CYRIB: variants seen among roughly 807,000 people sequenced by gnomAD.
CYRIB encodes CYFIP related Rac1 interactor B.
CYRIB carries 8 observed loss-of-function variants against 44.2 expected under a neutral mutation model. The observed-to-expected ratio is 0.18, with a 90% confidence interval of 0.11 to 0.33. The LOEUF (loss-of-function observed/expected upper bound fraction) is 0.33. Among genes scored for constraint, CYRIB ranks in the 10% least tolerant of loss-of-function variants. The probability of loss-of-function intolerance (pLI) is 1.00; values close to 1 mark genes in which losing one functional copy is unlikely to be tolerated. For synonymous variants in CYRIB, 131 were observed against 127.2 expected, an observed-to-expected ratio of 1.03 and a Z score of -0.20; for missense variants, 185 against 382.8, an observed-to-expected ratio of 0.48 and a Z score of 4.31.
chr8:129,853,749 C>T (rs982942554), intron 7 of CYRIB, among the ~76,000 whole-genome samples: 2 of 152,180 alleles, frequency 1.3e-5, no homozygotes, highest in Admixed American at 1.3e-4. Context: ...AGCCAAGGAG[C>T]AGGCACAAAG....
intron 1 of CYRIB, among the ~76,000 whole-genome samples, chr8:129,934,114 C>CTA (rs1425775402): frequency 1.3e-5 from 2 of 152,132 alleles, no homozygotes; most frequent in Non-Finnish European, 2.9e-5. Flanking sequence ...CAGCCTCCAC[C>CTA]TACAGGTGCC....
chr8:130,005,030 G>A (rs1224464686), intron 1 of CYRIB, among the ~76,000 whole-genome samples: 1 of 152,042 alleles, frequency 6.6e-6, no homozygotes, highest in Non-Finnish European at 1.5e-5. Flanking sequence ...GCCTCCCAAA[G>A]TGCTGGGATT....
intron 2 of CYRIB, among the ~76,000 whole-genome samples, chr8:129,954,347 C>T (rs1006488319): frequency 6.6e-6 from 1 of 152,088 alleles, no homozygotes; most frequent in South Asian, 2.1e-4. Flanking sequence ...CTCAGCCTCC[C>T]GAATAGCTGG....
intron 1 of CYRIB, among the ~76,000 whole-genome samples, chr8:129,930,365 T>TTATATATATATATATA (rs1554659983): frequency 0.015 from 745 of 50,408 alleles, 115 homozygotes; most frequent in Middle Eastern, 0.032. Flanking sequence ...TGTGAAGTGC[T>TTATATATATATATATA]TATATATATA....
intron 1 of CYRIB, among the ~76,000 whole-genome samples, chr8:130,014,296 G>A (rs568352542): frequency 9.2e-5 from 14 of 152,308 alleles, no homozygotes; most frequent in African/African-American, 3.4e-4. Context: ...TGGGCATGGT[G>A]GTGCACACCC....
intron 2 of CYRIB, among the ~76,000 whole-genome samples, chr8:129,893,987 C>G (rs182198454): frequency 2.0e-4 from 31 of 152,258 alleles, no homozygotes; most frequent in African/African-American, 7.5e-4. Context: ...GATTTTCTCA[C>G]TCAATAGTTT....
At chr8:129,875,240 G>A (rs1425639674) in intron 3 of CYRIB, among the ~76,000 whole-genome samples, 1 of 150,640 alleles carries the variant, frequency 6.6e-6, no homozygotes, top group Non-Finnish European at 1.5e-5. Flanking sequence ...CCAACAACTA[G>A]AAGAGGCTAT....
intron 1 of CYRIB, among the ~76,000 whole-genome samples, chr8:129,988,911 T>C (rs1591871142): frequency 6.6e-6 from 1 of 152,188 alleles, no homozygotes; most frequent in East Asian, 1.9e-4. Flanking sequence ...CATTGCAACG[T>C]TGGGAGAGTT....
chr8:129,882,506 T>C (rs776962728), intron 2 of CYRIB, among the ~76,000 whole-genome samples: 19 of 152,210 alleles, frequency 1.2e-4, no homozygotes, highest in Non-Finnish European at 1.0e-4. Context: ...CCTGAGTCCT[T>C]ATCAACACAT....
intron 1 of CYRIB, among the ~76,000 whole-genome samples, chr8:130,009,964 G>T (rs2097182773): frequency 6.6e-6 from 1 of 152,196 alleles, no homozygotes; most frequent in African/African-American, 2.4e-5. Flanking sequence ...GCCAGTGACA[G>T]GAGACTCTAT....
chr8:129,898,642 C>A (rs1309710232), intron 2 of CYRIB, among the ~76,000 whole-genome samples: 1 of 152,128 alleles, frequency 6.6e-6, no homozygotes, highest in Non-Finnish European at 1.5e-5. Flanking sequence ...TAAAATCATT[C>A]TCTTAAATCT....
chr8:129,938,044 C>T (rs1297401595), intron 1 of CYRIB, among the ~76,000 whole-genome samples: 1 of 152,026 alleles, frequency 6.6e-6, no homozygotes, highest in Non-Finnish European at 1.5e-5. Context: ...AGCAATAGCA[C>T]CATCATAATG....
chr8:130,011,860 T>C (rs2097228750), intron 1 of CYRIB, among the ~76,000 whole-genome samples: 1 of 147,064 alleles, frequency 6.8e-6, no homozygotes, highest in Admixed American at 6.8e-5. Context: ...TAAAAATAAT[T>C]AAAAAAAAAA....
chr8:129,946,329 CG>C (rs1215007326), intron 2 of CYRIB, among the ~76,000 whole-genome samples: 1 of 152,228 alleles, frequency 6.6e-6, no homozygotes, highest in African/African-American at 2.4e-5. Context: ...TATCCAGTCT[CG>C]CTCCTCAATT....
intron 1 of CYRIB, among the ~76,000 whole-genome samples, chr8:129,910,697 C>T (rs916071482): frequency 2.6e-5 from 4 of 152,106 alleles, no homozygotes; most frequent in Non-Finnish European, 4.4e-5. Context: ...ACATGTGTGG[C>T]TGAGACAAGA....
chr8:129,917,957 AC>A (rs2081579714), intron 1 of CYRIB, among the ~76,000 whole-genome samples: 1 of 152,286 alleles, frequency 6.6e-6, no homozygotes, highest in East Asian at 1.9e-4. Context: ...TAGAAAATCC[AC>A]CCTACTACTG....
intron 2 of CYRIB, among the ~76,000 whole-genome samples, chr8:129,884,352 A>G (rs936857800): frequency 2.6e-5 from 4 of 152,098 alleles, no homozygotes; most frequent in African/African-American, 7.2e-5. Flanking sequence ...GCAATGGTAC[A>G]ATCTCGGCTC....
intron 4 of CYRIB, chr8:129,864,416 T>A (rs1313272594): frequency 2.6e-5 from 4 of 152,954 alleles, no homozygotes; most frequent in African/African-American, 9.6e-5. Flanking sequence ...TTCTTGTATT[T>A]GTTATTCAGC....
At chr8:129,915,554 G>A (rs2080285534) in intron 1 of CYRIB, among the ~76,000 whole-genome samples, 1 of 152,172 alleles carries the variant, frequency 6.6e-6, no homozygotes, top group Non-Finnish European at 1.5e-5. Context: ...TGGCGTCTAG[G>A]GGCAGGTAGG....
Sources: gnomAD v4.1 joint callset for allele counts (sites outside exome capture counted in the v4.1 genomes callset) on GRCh38, gnomAD v4.1.1 for gene constraint, MANE v1.5 for transcripts, NCBI Gene and HGNC (gene_info 2026-07-23, HGNC 2026-07-21) for gene names.